The following OSTM1 variants were observed in gnomAD, a reference collection of about 807,000 sequenced individuals.
The protein encoded by OSTM1 is osteopetrosis-associated transmembrane protein 1.
In OSTM1, 26 loss-of-function variants were observed where a neutral mutation model predicts 35.4. The observed-to-expected ratio is 0.73, with a 90% CI of 0.54 to 1.02. The LOEUF (loss-of-function observed/expected upper bound fraction) is 1.02, where lower values mean the gene tolerates loss of function less well. Ranked by LOEUF, OSTM1 falls within the 50% of genes least tolerant of loss-of-function variation. The pLI is 0.00. For synonymous variants in OSTM1, 181 were observed against 165.0 expected, an observed-to-expected ratio of 1.10 and a Z score of -0.75; for missense variants, 366 against 409.6, an observed-to-expected ratio of 0.89 and a Z score of 0.92.
At position 108,044,732 on chromosome 6, in the gene OSTM1, T is replaced by G. The variant is rs1465662070; in HGVS notation, c.*53A>C. The G allele has an allele frequency of 4.1e-6, 4 of 982,900 alleles. No homozygotes were observed. Among genetic ancestry groups the G allele is most frequent in the Non-Finnish European group, 1.6e-6 (1 of 619,386 alleles). The allele number at this position is 982,900 out of a possible 1,614,324, so 60.9% of individuals were successfully genotyped here. ...GTTTATCTTCTTTCTGAAACCAAGT[T>G]GTGTCTTCCACCATTCATTCACGTG... is the stretch of plus-strand genomic sequence containing the variant. On this transcript the variant is annotated 3_prime_UTR_variant, in exon 6 of 6. Coordinates refer to ENST00000193322, the MANE Select transcript of OSTM1 (RefSeq NM_014028.4).
At chr6:108,068,804 C>G (rs978208782) in intron 1 of OSTM1, among the ~76,000 whole-genome samples, 4 of 152,130 alleles carry the variant, frequency 2.6e-5, no homozygotes, top group Non-Finnish European at 4.4e-5. Flanking sequence ...AGAATTAAAC[C>G]TTTCACTAAC....
At position 108,054,570 on chromosome 6, in the gene OSTM1, T is replaced by C. The variant is rs1562371930; in HGVS notation, c.535A>G (p.Ser179Gly). The C allele has an allele frequency of 2.6e-6, 4 of 1,538,724 alleles. No individual in the cohort carries two copies. The highest frequency in any genetic ancestry group is 3.6e-6 in the Non-Finnish European group (4 of 1,113,954). The change falls in exon 3 of 6, where the codon AGT (serine) becomes GGT (glycine). Residue 179 changes from serine (S) to glycine (G), a missense_variant. Physicochemically the swap from Ser to Gly is moderately conservative, Grantham distance 56. Transcript: ENST00000193322. ...ACTGTGCTGTTTGATAATTCTTCAC[T>C]GTTGTTTGTTAAACAATCTGTCAAA... ...ANCANCLTNN[S>G]EELSNSTVYF... is the part of the protein sequence containing the mutation.
chr6:108,050,740 G>A (rs1772062226), intron 4 of OSTM1, among the ~76,000 whole-genome samples: 1 of 151,942 alleles, frequency 6.6e-6, no homozygotes, highest in Admixed American at 6.6e-5. Context: ...TCTGCAAATG[G>A]CACATATTTT....
intron 5 of OSTM1, 119 bp downstream of exon 5, chr6:108,049,134 G>C (rs1339968802): frequency 1.4e-6 from 1 of 693,570 alleles, no homozygotes; most frequent in Non-Finnish European, 2.5e-6. Context: ...ACTTAAAGCA[G>C]AGAGTCCTTT....
At chr6:108,055,880 G>T (rs903377390) in intron 2 of OSTM1, among the ~76,000 whole-genome samples, 1 of 152,070 alleles carries the variant, frequency 6.6e-6, no homozygotes, top group Admixed American at 6.6e-5. Context: ...CCCTACTCTT[G>T]TTCCCCTTAA....
At chr6:108,054,677 C>T (rs1401236273) in intron 2 of OSTM1, 90 bp from the exon 3 acceptor site, 6 of 646,402 alleles carry the variant, frequency 9.3e-6, no homozygotes, top group Non-Finnish European at 1.7e-5. Context: ...CTTCGTTTCA[C>T]ACTACAGTAA....
chr6:108,063,694 ACAC>A (rs1378923683), intron 2 of OSTM1, among the ~76,000 whole-genome samples: 1 of 152,210 alleles, frequency 6.6e-6, no homozygotes, highest in Non-Finnish European at 1.5e-5. Flanking sequence ...CGCCTGCCAC[ACAC>A]CACTTGACAG....
At chr6:108,045,291 C>G (rs1771948611) in intron 5 of OSTM1, among the ~76,000 whole-genome samples, 1 of 152,082 alleles carries the variant, frequency 6.6e-6, no homozygotes, top group Admixed American at 6.6e-5. Flanking sequence ...AATCATTATG[C>G]TTAACTGTGA....
At chr6:108,058,258 C>T (rs1475701902) in intron 2 of OSTM1, among the ~76,000 whole-genome samples, 1 of 152,026 alleles carries the variant, frequency 6.6e-6, no homozygotes, top group Non-Finnish European at 1.5e-5. Flanking sequence ...CATTTGGCAT[C>T]TCTTAGGAAT....
rs1048704772 is a variant in OSTM1, at chr6:108,043,236, T to C, written c.*1549A>G. ...TTGCTTCAAATGGCTCTCAATCATATGCTTCAAATCAAGACAGTGCTAAGT... is the reference window on the plus strand; with the variant it reads ...TTGCTTCAAATGGCTCTCAATCATACGCTTCAAATCAAGACAGTGCTAAGT... On this transcript the variant is annotated 3_prime_UTR_variant, in exon 6 of 6. Coordinates refer to ENST00000193322, the MANE Select transcript of OSTM1 (RefSeq NM_014028.4). The C allele has an allele frequency of 2.0e-5, 3 of 152,228 alleles. No homozygotes were observed. The highest frequency in any genetic ancestry group is 7.2e-5 in the African/African-American group (3 of 41,460). The allele number at this position is 152,228 out of a possible 1,614,324, so 9.4% of individuals were successfully genotyped here.
Position 108,074,432 on chromosome 6 carries a change from G to A in OSTM1, c.220C>T (p.Pro74Ser). 2 of 1,560,564 alleles carry A rather than the reference G, an allele frequency of 1.3e-6. No homozygotes were observed. The highest frequency in any genetic ancestry group is 8.7e-7 in the Non-Finnish European group (1 of 1,152,480). The change falls in exon 1 of 6, where the codon CCC becomes TCC. Residue 74 changes from proline (P) to serine (S), a missense_variant. Around this residue, in one of 3 missense-constraint regions of OSTM1, gnomAD observed 236 missense variants for 239.3 expected, o/e 0.99. Transcript: ENST00000193322. The stretch of plus-strand genomic sequence containing the variant: ...GGATCCAGATCCGGCAGGTCCGGGG[G>A]CAGCGACAGAGGCCCCAGCCCTCCA... ...QGGGLGPLSL[P>S]PDLPDLDPEC...
At chr6:108,066,264 T>C (rs1232251111) in intron 1 of OSTM1, among the ~76,000 whole-genome samples, 1 of 152,112 alleles carries the variant, frequency 6.6e-6, no homozygotes, top group Non-Finnish European at 1.5e-5. Flanking sequence ...ACTACTTCCA[T>C]AGATCAGGTA....
At position 108,074,420 on chromosome 6, in the gene OSTM1, G is replaced by A. The variant is rs1477908918; in HGVS notation, c.232C>T (p.Pro78Ser). The part of the protein sequence containing the change: ...LGPLSLPPDL[P>S]DLDPECRELL... ...TCCCGGCACTCAGGATCCAGATCCG[G>A]CAGGTCCGGGGGCAGCGACAGAGGC... The change falls in exon 1 of 6, where the codon CCG becomes TCG. Residue 78 changes from proline to serine, a missense_variant. By Grantham distance (74) the Pro-to-Ser change is moderately conservative. Transcript: ENST00000193322. 2 of 1,564,496 alleles carry A rather than the reference G, an allele frequency of 1.3e-6. No homozygotes were observed. Among genetic ancestry groups the A allele is most frequent in the Non-Finnish European group, 1.7e-6 (2 of 1,154,668 alleles).
At chr6:108,070,032 C>T (rs1772453246) in intron 1 of OSTM1, among the ~76,000 whole-genome samples, 1 of 151,796 alleles carries the variant, frequency 6.6e-6, no homozygotes, top group African/African-American at 2.4e-5. Context: ...TTGCTCTGTT[C>T]CGTCATTTTT....
chr6:108,053,196 T>C lies in OSTM1; in HGVS notation c.615+1294A>G, dbSNP rs76826848. Among the ~76,000 whole-genome samples the C allele has an allele frequency of 7.3e-4, 111 of 152,346 alleles. 3 individuals carry two copies. In the East Asian group the frequency reaches 0.016, roughly 22 times the overall value. On this transcript the variant is annotated intron_variant, in intron 3 of 5. Transcript: ENST00000193322. ...TAGAAATCTACCAAACTCATACAAG[T>C]ACTCTAAGTTAAATGAAAAGAAGAC...
chr6:108,060,352 G>A lies in OSTM1; in HGVS notation c.517+3833C>T, dbSNP rs1022041094. ...TTTATACCTGCCATACTGAGTATGC[G>A]GTAAAACGTTTTCTTTTCAACTAAC... On this transcript the variant is annotated intron_variant, in intron 2 of 5. Transcript: ENST00000193322. Among the ~76,000 whole-genome samples, 20 of 152,052 alleles carry A rather than the reference G, an allele frequency of 1.3e-4. 1 individual carries two copies. The highest frequency in any genetic ancestry group is 1.0e-3 in the Admixed American group (16 of 15,254).
chr6:108,071,992 T>C (rs1332360171), intron 1 of OSTM1, among the ~76,000 whole-genome samples: 1 of 152,182 alleles, frequency 6.6e-6, no homozygotes, highest in Non-Finnish European at 1.5e-5. Context: ...ATGCCCATAA[T>C]ACTGCACCCT....
Position 108,043,101 on chromosome 6 carries a change from T to C in OSTM1, c.*1684A>G, listed in dbSNP as rs930659574. On this transcript the variant is annotated 3_prime_UTR_variant, in exon 6 of 6. Transcript: ENST00000193322. ...GCTTTATATCCAAAAACAATGGTTT[T>C]TACAAATACATAATACTGAAAGGTG... The C allele has an allele frequency of 1.3e-5, 2 of 152,218 alleles. No individual in the cohort carries two copies. Among genetic ancestry groups the C allele is most frequent in the Non-Finnish European group, 1.5e-5 (1 of 68,028 alleles). The allele number at this position is 152,218 out of a possible 1,614,324, so 9.4% of individuals were successfully genotyped here.
intron 1 of OSTM1, among the ~76,000 whole-genome samples, chr6:108,069,258 C>T (rs1322414781): frequency 1.3e-5 from 2 of 152,188 alleles, no homozygotes; most frequent in Non-Finnish European, 2.9e-5. Flanking sequence ...GCTACCACAA[C>T]CTGTACATAA....
Sources: allele counts gnomAD v4.1 joint callset (sites outside exome capture counted in the v4.1 genomes callset), GRCh38; gene constraint gnomAD v4.1.1; regional missense constraint gnomAD v4.1.1; transcripts MANE v1.5; gene names NCBI Gene and HGNC (gene_info 2026-07-23, HGNC 2026-07-21).